The following THAP4 variants were observed in gnomAD, a reference collection of about 807,000 sequenced individuals.
THAP4 encodes the protein THAP domain containing 4.
In THAP4, 18 loss-of-function variants were observed where a neutral mutation model predicts 48.1. The observed-to-expected ratio is 0.37, with a 90% CI of 0.26 to 0.56. THAP4 has a LOEUF of 0.56. THAP4 is among the 20% of genes least tolerant of loss of function. The pLI is 0.78. For missense variants in THAP4, 656 were observed against 774.9 expected, an observed-to-expected ratio of 0.85 and a Z score of 1.82; for synonymous variants, 345 against 324.9, an observed-to-expected ratio of 1.06 and a Z score of -0.66.
At chr2:241,615,710 C>G (rs1003631589) in intron 2 of THAP4, among the ~76,000 whole-genome samples, 1 of 152,258 alleles carries the variant, frequency 6.6e-6, no homozygotes, top group African/African-American at 2.4e-5. Flanking sequence ...CCAGAGAGGG[C>G]TGGAGCCACA....
At chr2:241,602,706 C>T (rs1233807282) in intron 4 of THAP4, among the ~76,000 whole-genome samples, 2 of 152,228 alleles carry the variant, frequency 1.3e-5, no homozygotes, top group Non-Finnish European at 1.5e-5. Flanking sequence ...CAGCTGATGG[C>T]CATTTCTGCA....
intron 3 of THAP4, among the ~76,000 whole-genome samples, chr2:241,603,461 A>C (rs540066663): frequency 1.1e-5 from 1 of 92,982 alleles, no homozygotes; most frequent in African/African-American, 3.5e-5. Context: ...GCTGACCCTC[A>C]GCTCCTGAAG....
At position 241,633,164 on chromosome 2, in the gene THAP4, G is replaced by A; in HGVS notation, c.993C>T (p.Val331=). 1 of 1,609,364 alleles carries A rather than the reference G, an allele frequency of 6.2e-7. No homozygotes were observed. Among genetic ancestry groups the A allele is most frequent in the East Asian group, 2.2e-5 (1 of 44,788 alleles). ...SDASPMSINE[V]ILSASGACKL... is the part of the protein sequence containing the mutation. ...TGCAGGCCCCTGACGCCGACAGGAT[G>A]ACCTCGTTGATGGACATGGGGCTGG... Residue 331 remains valine, a synonymous_variant, in exon 2 of 6, where the codon GTC becomes GTT. Coordinates refer to ENST00000407315, the MANE Select transcript of THAP4 (RefSeq NM_015963.6). This position sits in a 1 kb window ranked among gnomAD's most constrained non-coding sequence, Gnocchi z 7.5.
chr2:241,603,410 C>G (rs2067143022), intron 3 of THAP4, among the ~76,000 whole-genome samples: 1 of 141,046 alleles, frequency 7.1e-6, no homozygotes, highest in Non-Finnish European at 1.6e-5. Context: ...CTGCCCGCCC[C>G]CTCCAGCGCC....
rs1366055664 is a variant in THAP4, at chr2:241,606,386, G to C, written c.1328C>G (p.Pro443Arg). The C allele has an allele frequency of 6.3e-7, 1 of 1,596,832 alleles. No individual in the cohort carries two copies. Among genetic ancestry groups the C allele is most frequent in the Non-Finnish European group, 8.5e-7 (1 of 1,171,882 alleles). Reference protein sequence around the residue: ...LSDPPGAGTYPTLQPFQYLEE... With the variant: ...LSDPPGAGTYRTLQPFQYLEE... ...CAGGTACTGGAAGGGCTGCAGTGTG[G>C]GGTAGGTCCCGGCTCCAGGTGGGTC... Residue 443 changes from proline (P) to arginine (R), a missense_variant, in exon 3 of 6, where the codon CCC becomes CGC. Around this residue, in one of 4 missense-constraint regions of THAP4, gnomAD observed 176 missense variants for 256.7 expected, o/e 0.69. Transcript: ENST00000407315.
chr2:241,606,607 G>A lies in THAP4; in HGVS notation c.1241-134C>T, dbSNP rs572561174. On this transcript the variant is annotated intron_variant, in intron 2 of 5. Transcript: ENST00000407315. ...TAATCCTGGGGGACCTGTCAAGAGCGGGAGAAAATGGTCAAGCAACTGTAA... is the reference window on the plus strand; with the variant it reads ...TAATCCTGGGGGACCTGTCAAGAGCAGGAGAAAATGGTCAAGCAACTGTAA... The A allele has an allele frequency of 1.0e-4, 83 of 828,500 alleles. No individual in the cohort carries two copies. The African/African-American group carries it at 1.0e-3, about 10-fold the overall frequency. 51.3% of individuals were successfully genotyped at this position (828,500 alleles called of 1,614,324 possible).
intron 3 of THAP4, among the ~76,000 whole-genome samples, chr2:241,603,931 C>A (rs184531857): frequency 6.3e-4 from 96 of 151,796 alleles, no homozygotes; most frequent in Middle Eastern, 3.4e-3. Flanking sequence ...TCGGGTAGAT[C>A]TCTTGAGCCT....
intron 2 of THAP4, among the ~76,000 whole-genome samples, chr2:241,615,300 G>A (rs1393341868): frequency 6.6e-6 from 1 of 152,100 alleles, no homozygotes; most frequent in Non-Finnish European, 1.5e-5. Context: ...GGAACACCTA[G>A]GAGCTTGTGT....
At chr2:241,621,713 T>G (rs2067430979) in intron 2 of THAP4, among the ~76,000 whole-genome samples, 2 of 152,168 alleles carry the variant, frequency 1.3e-5, no homozygotes, top group Non-Finnish European at 2.9e-5. Flanking sequence ...CAGAAGTATT[T>G]GAATTAACCA....
chr2:241,637,442 G>T (rs2067696066), upstream of THAP4: 2 of 1,472,290 alleles, frequency 1.4e-6, no homozygotes, highest in South Asian at 1.3e-5. Context: ...AGAGGAGGAA[G>T]CGCCACCCAT....
At chr2:241,602,187 A>G (rs1025932761) in intron 4 of THAP4, 188 bp from the exon 5 acceptor site, 4 of 621,512 alleles carry the variant, frequency 6.4e-6, no homozygotes, top group Non-Finnish European at 1.1e-5. Flanking sequence ...CTCTCCTCAC[A>G]GAACAGGCAG....
intron 2 of THAP4, among the ~76,000 whole-genome samples, chr2:241,630,352 A>C (rs2067541616): frequency 6.6e-6 from 1 of 150,446 alleles, no homozygotes; most frequent in Non-Finnish European, 1.5e-5. Flanking sequence ...AAACCCAACA[A>C]AGCAAAAAGA....
Position 241,601,866 on chromosome 2 carries a change from G to A in THAP4, c.1614+30C>T, listed in dbSNP as rs766117090. The A allele has an allele frequency of 6.2e-7, 1 of 1,612,756 alleles. No homozygotes were observed. Among genetic ancestry groups the A allele is most frequent in the Non-Finnish European group, 8.5e-7 (1 of 1,179,642 alleles). ...CACAGACCGCTGCAAACAGAAGACA[G>A]GAGCGTGCTGGGAGCAGGGCTGGGC... On this transcript the variant is annotated intron_variant, in intron 5 of 5. Coordinates refer to ENST00000407315, the MANE Select transcript of THAP4 (RefSeq NM_015963.6). The surrounding 1 kb of genome is among the most constrained non-coding windows in gnomAD (Gnocchi z 4.0).
rs2066889019 is a variant in THAP4, at chr2:241,585,920, AAAAAAAAAAG to A, written c.1615-1205_1615-1196del. Among the ~76,000 whole-genome samples, 4 of 145,520 alleles carry A rather than the reference AAAAAAAAAAG, an allele frequency of 2.7e-5. 1 individual carries two copies. Among genetic ancestry groups the A allele is most frequent in the South Asian group, 4.6e-4 (2 of 4,364 alleles). ...AGAGCAAGACTCCTTCTCAAAAAAAAAAAAAAAAAGAAAAAAAAAAGAAAAAGAAAAAGAA... is the reference window on the plus strand; with the variant it reads ...AGAGCAAGACTCCTTCTCAAAAAAAAAAAAAAAAAAGAAAAAGAAAAAGAA... On this transcript the variant is annotated intron_variant, in intron 5 of 5. Transcript: ENST00000407315.
chr2:241,629,944 C>T (rs892135554), intron 2 of THAP4, among the ~76,000 whole-genome samples: 3 of 151,922 alleles, frequency 2.0e-5, no homozygotes, highest in Non-Finnish European at 4.4e-5. Context: ...CAGGCGGGAA[C>T]AATATAACCA....
intron 2 of THAP4, among the ~76,000 whole-genome samples, chr2:241,629,932 T>C (rs1486930480): frequency 1.3e-5 from 2 of 151,978 alleles, no homozygotes; most frequent in Non-Finnish European, 2.9e-5. Flanking sequence ...AGTGCCCAGC[T>C]TCAGGCGGGA....
chr2:241,633,506 A>T lies in THAP4; in HGVS notation c.651T>A (p.Ser217=). ...EGGVTDKSGI[S]MDDFTPPGSG... ...ATCCTGGGGGCGTAAAGTCATCCAT[A>T]GAAATGCCACTCTTATCTGTCACGC... is the stretch of plus-strand genomic sequence containing the variant. Residue 217 remains serine, a synonymous_variant, in exon 2 of 6, where the codon TCT becomes TCA. Coordinates refer to ENST00000407315, the MANE Select transcript of THAP4 (RefSeq NM_015963.6). The surrounding 1 kb of genome is among the most constrained non-coding windows in gnomAD (Gnocchi z 7.5). 1 of 1,614,182 alleles carries T rather than the reference A, an allele frequency of 6.2e-7. No homozygotes were observed. The highest frequency in any genetic ancestry group is 8.5e-7 in the Non-Finnish European group (1 of 1,180,040).
Position 241,633,259 on chromosome 2 carries a change from G to C in THAP4, c.898C>G (p.Pro300Ala). 1 of 1,611,124 alleles carries C rather than the reference G, an allele frequency of 6.2e-7. No individual in the cohort carries two copies. The highest frequency in any genetic ancestry group is 8.5e-7 in the Non-Finnish European group (1 of 1,179,294). Reference sequence around the variant, plus strand: ...GTGACGTCGGCAGGAGGGGCAGAGGGGCTCTGGGAAGGCTTCTGCGGTGTC... The same window carrying C: ...GTGACGTCGGCAGGAGGGGCAGAGGCGCTCTGGGAAGGCTTCTGCGGTGTC... ...TATPQKPSQSPSAPPADVTPK... is the reference protein window; with the variant it reads ...TATPQKPSQSASAPPADVTPK... Residue 300 changes from proline (P) to alanine (A), a missense_variant, in exon 2 of 6, where the codon CCC (proline) becomes GCC (alanine). Pro to Ala is a conservative substitution (Grantham distance 27). Around this residue, in one of 4 missense-constraint regions of THAP4, gnomAD observed 391 missense variants for 412.4 expected, o/e 0.95. Transcript: ENST00000407315. This position sits in a 1 kb window ranked among gnomAD's most constrained non-coding sequence, Gnocchi z 7.5.
chr2:241,614,402 T>C (rs1183181019), intron 2 of THAP4, among the ~76,000 whole-genome samples: 1 of 152,190 alleles, frequency 6.6e-6, no homozygotes, highest in Non-Finnish European at 1.5e-5. Context: ...TGAGGGATAC[T>C]CATGCACCAA....
Sources: allele counts gnomAD v4.1 joint callset (sites outside exome capture counted in the v4.1 genomes callset), GRCh38; gene constraint gnomAD v4.1.1; regional missense constraint gnomAD v4.1.1; non-coding constraint Gnocchi (gnomAD v3.1); transcripts MANE v1.5; gene names NCBI Gene and HGNC (gene_info 2026-07-23, HGNC 2026-07-21).